The following MAP3K3 variants were observed in gnomAD, a reference collection of about 807,000 sequenced individuals.
MAP3K3 encodes the protein mitogen-activated protein kinase kinase kinase 3, also known as MAP/ERK kinase kinase 3.
A neutral mutation model predicts 80.9 loss-of-function variants in MAP3K3; 12 were observed. The ratio of observed to expected loss-of-function variants is 0.15; its 90% CI spans 0.10 to 0.24. The LOEUF (loss-of-function observed/expected upper bound fraction) is 0.24, where lower values mean the gene tolerates loss of function less well. Ranked by LOEUF, MAP3K3 falls within the 10% of genes least tolerant of loss-of-function variation. MAP3K3 has a pLI of 1.00. For missense variants in MAP3K3, 596 were observed against 834.7 expected (o/e 0.71, Z 3.52); for synonymous variants, 272 against 307.1 (o/e 0.89, Z 1.19).
intron 2 of MAP3K3, among the ~76,000 whole-genome samples, chr17:63,644,339 C>T (rs1307116293): frequency 2.6e-5 from 4 of 152,024 alleles, no homozygotes; most frequent in South Asian, 2.1e-4. Context: ...CTCAGCCTCC[C>T]GAGTAGCTGG....
intron 5 of MAP3K3, among the ~76,000 whole-genome samples, chr17:63,661,595 C>T (rs948342451): frequency 2.6e-5 from 4 of 152,114 alleles, no homozygotes; most frequent in African/African-American, 9.7e-5. Context: ...TATTTGTATA[C>T]GATAAAAACT....
At position 63,625,748 on chromosome 17, in the gene MAP3K3, A is replaced by G. The variant is rs540753861; in HGVS notation, c.4+2985A>G. Among the ~76,000 whole-genome samples the G allele has an allele frequency of 3.3e-5, 5 of 152,196 alleles. No homozygotes were observed. In the South Asian group the frequency reaches 8.3e-4, roughly 25 times the overall value. On this transcript the variant is annotated intron_variant, in intron 1 of 15. Transcript: ENST00000361733. Reference sequence around the variant, plus strand: ...TGGCTATGTCATTACTAGATTTCTGATATTTTTAAAAATGACAGTTGGATT... The same window carrying G: ...TGGCTATGTCATTACTAGATTTCTGGTATTTTTAAAAATGACAGTTGGATT...
At chr17:63,655,683 G>A (rs1329373190) in intron 4 of MAP3K3, among the ~76,000 whole-genome samples, 1 of 151,858 alleles carries the variant, frequency 6.6e-6, no homozygotes, top group Non-Finnish European at 1.5e-5. Context: ...TGTAGAGATG[G>A]GGGTCTCACT....
intron 5 of MAP3K3, among the ~76,000 whole-genome samples, chr17:63,664,780 C>T (rs965750772): frequency 1.1e-4 from 16 of 152,234 alleles, no homozygotes; most frequent in African/African-American, 3.4e-4. Context: ...TGTCACTCTG[C>T]GACAGTCCCC....
At chr17:63,687,595 C>T (rs2035483100) in intron 8 of MAP3K3, among the ~76,000 whole-genome samples, 1 of 151,642 alleles carries the variant, frequency 6.6e-6, no homozygotes, top group African/African-American at 2.4e-5. Flanking sequence ...GAGGCTGAGG[C>T]AGGAGAATAG....
chr17:63,635,728 T>C (rs1408087807), intron 2 of MAP3K3, among the ~76,000 whole-genome samples: 1 of 152,196 alleles, frequency 6.6e-6, no homozygotes, highest in Non-Finnish European at 1.5e-5. Flanking sequence ...ATTATTATTA[T>C]TGTAGTTTTT....
At chr17:63,681,950 G>C in intron 7 of MAP3K3, 51 bp downstream of exon 7, 1 of 1,321,166 alleles carries the variant, frequency 7.6e-7, no homozygotes. Context: ...AGCAGACCAA[G>C]CTCATAACAA....
intron 2 of MAP3K3, among the ~76,000 whole-genome samples, chr17:63,641,157 A>T (rs1433633558): frequency 6.6e-6 from 1 of 152,166 alleles, no homozygotes; most frequent in African/African-American, 2.4e-5. Context: ...TTCTTTTGAT[A>T]ATTCCGTAAA....
chr17:63,627,839 T>A (rs1467566972), intron 1 of MAP3K3, among the ~76,000 whole-genome samples: 1 of 152,038 alleles, frequency 6.6e-6, no homozygotes, highest in Non-Finnish European at 1.5e-5. Context: ...CCGCCTTGGC[T>A]TCCCAGAATG....
At chr17:63,643,570 ACTCTG>A (rs2034486500) in intron 2 of MAP3K3, among the ~76,000 whole-genome samples, 3 of 152,146 alleles carry the variant, frequency 2.0e-5, no homozygotes, top group African/African-American at 7.2e-5. Context: ...ATATATCAGA[ACTCTG>A]CTCTGTATGC....
intron 5 of MAP3K3, among the ~76,000 whole-genome samples, chr17:63,663,850 C>T (rs1219905058): frequency 6.6e-6 from 1 of 151,994 alleles, no homozygotes; most frequent in Non-Finnish European, 1.5e-5. Flanking sequence ...TATGATTGCA[C>T]CACTGCACTC....
intron 2 of MAP3K3, among the ~76,000 whole-genome samples, chr17:63,641,468 C>T (rs74673472): frequency 6.6e-6 from 1 of 152,048 alleles, no homozygotes; most frequent in Non-Finnish European, 1.5e-5. Flanking sequence ...GTCTCGAACT[C>T]CTGACCTCGT....
rs1277644638 is a variant in MAP3K3 at position 63,693,539 on chromosome 17, C to G, written c.1653-10C>G. The G allele has an allele frequency of 1.9e-6, 3 of 1,597,026 alleles. No homozygotes were observed. Among genetic ancestry groups the G allele is most frequent in the Non-Finnish European group, 2.6e-6 (3 of 1,173,330 alleles). On this transcript the variant is annotated splice_polypyrimidine_tract_variant and intron_variant, in intron 15 of 15. Transcript: ENST00000361733. The surrounding 1 kb of genome is among the most constrained non-coding windows in gnomAD (Gnocchi z 4.2). ...TGGCTGAGGGGTGACACGGGGTTCTCTCTTTCCAGGAGCCTGGGCTGCACT... is the reference window on the plus strand; with the variant it reads ...TGGCTGAGGGGTGACACGGGGTTCTGTCTTTCCAGGAGCCTGGGCTGCACT...
At chr17:63,660,353 G>T (rs954023988) in intron 5 of MAP3K3, among the ~76,000 whole-genome samples, 3 of 151,368 alleles carry the variant, frequency 2.0e-5, no homozygotes, top group Non-Finnish European at 2.9e-5. Context: ...ACAGGCGTGT[G>T]CCCCCATGCT....
At chr17:63,682,882 A>G (rs549038154) in intron 7 of MAP3K3, 2 of 152,240 alleles carry the variant, frequency 1.3e-5, no homozygotes, top group Admixed American at 1.3e-4. Context: ...AAGGCAGTTC[A>G]TTGGGACTAA....
At position 63,691,909 on chromosome 17, in the gene MAP3K3, T is replaced by G. The variant is rs770329064; in HGVS notation, c.1474+47T>G. ...GGAGTCCCCAGGACCTGGGTTCAAG[T>G]CTACCATTGAGTGCCTGCAGGGGCC... is the stretch of plus-strand genomic sequence containing the variant. On this transcript the variant is annotated intron_variant, in intron 14 of 15. Coordinates refer to ENST00000361733, the MANE Select transcript of MAP3K3 (RefSeq NM_002401.5). The surrounding 1 kb of genome is among the most constrained non-coding windows in gnomAD (Gnocchi z 4.8). The G allele has an allele frequency of 1.9e-6, 3 of 1,594,706 alleles. No individual in the cohort carries two copies. In the Admixed American group the frequency reaches 5.0e-5, roughly 27 times the overall value.
Position 63,675,158 on chromosome 17 carries a change from A to T in MAP3K3, c.503-6608A>T, listed in dbSNP as rs138709142. Among the ~76,000 whole-genome samples the T allele has an allele frequency of 6.3e-4, 96 of 152,330 alleles. 2 individuals carry two copies. The highest frequency in any genetic ancestry group is 1.8e-3 in the African/African-American group (73 of 41,566). On this transcript the variant is annotated intron_variant, in intron 6 of 15. Coordinates refer to ENST00000361733, the MANE Select transcript of MAP3K3 (RefSeq NM_002401.5). ...GGAATTTTGAAAGTTGAAACATAGA[A>T]GATGTTCTTAGGGTCTTATGGAAAT...
intron 6 of MAP3K3, among the ~76,000 whole-genome samples, chr17:63,680,846 C>T (rs1223658264): frequency 2.0e-5 from 3 of 150,022 alleles, no homozygotes; most frequent in Non-Finnish European, 4.4e-5. Context: ...GTCTCCGTCT[C>T]CTCCTCTGTT....
intron 8 of MAP3K3, among the ~76,000 whole-genome samples, chr17:63,686,409 T>C (rs1310804575): frequency 1.3e-5 from 2 of 152,212 alleles, no homozygotes; most frequent in Non-Finnish European, 2.9e-5. Flanking sequence ...TGGTTTCCAA[T>C]GTGTAGCCTT....
Sources: allele counts gnomAD v4.1 joint callset (sites outside exome capture counted in the v4.1 genomes callset), GRCh38; gene constraint gnomAD v4.1.1; non-coding constraint Gnocchi (gnomAD v3.1); transcripts MANE v1.5; gene names NCBI Gene and HGNC (gene_info 2026-07-23, HGNC 2026-07-21).